TSEN15: variants seen among roughly 807,000 people sequenced by gnomAD.
TSEN15 encodes the protein tRNA-splicing endonuclease subunit Sen15.
TSEN15 carries 10 observed loss-of-function variants against 20.5 expected under a neutral mutation model. That is an observed-to-expected ratio of 0.49 (90% CI 0.30 to 0.83). The LOEUF (loss-of-function observed/expected upper bound fraction) is 0.83, where lower values mean the gene tolerates loss of function less well. Among genes scored for constraint, TSEN15 ranks in the 40% least tolerant of loss-of-function variants. The pLI is 0.06. For synonymous variants in TSEN15, 72 were observed against 80.1 expected (o/e 0.90, Z 0.54); for missense variants, 180 against 218.6 (o/e 0.82, Z 1.11).
At chr1:184,061,717 C>G (rs1483715386) in intron 3 of TSEN15, among the ~76,000 whole-genome samples, 1 of 152,062 alleles carries the variant, frequency 6.6e-6, no homozygotes, top group East Asian at 1.9e-4. Flanking sequence ...AGTAATTGTT[C>G]TAAGGAGTGT....
chr1:184,069,609 A>T (rs1445089577), intron 3 of TSEN15, among the ~76,000 whole-genome samples: 20 of 152,076 alleles, frequency 1.3e-4, no homozygotes, highest in Non-Finnish European at 2.4e-4. Context: ...TTACAATCAT[A>T]TGTGGTTTTT....
chr1:184,052,008 C>T, intron 1 of TSEN15, 118 bp downstream of exon 1: 4 of 1,087,014 alleles, frequency 3.7e-6, no homozygotes, highest in Non-Finnish European at 4.8e-6. Context: ...GCCACCCTCA[C>T]CGAGGGGGAC....
intron 3 of TSEN15, among the ~76,000 whole-genome samples, chr1:184,059,113 G>A (rs1445624700): frequency 2.0e-5 from 3 of 150,980 alleles, no homozygotes; most frequent in Admixed American, 6.6e-5. Flanking sequence ...AATTGAATGT[G>A]TGATTTGGGA....
At chr1:184,085,075 G>T (rs1400348886) in intron 3 of TSEN15, among the ~76,000 whole-genome samples, 1 of 152,086 alleles carries the variant, frequency 6.6e-6, no homozygotes, top group Non-Finnish European at 1.5e-5. Context: ...TATGCAGTGG[G>T]AGACTTATAT....
At chr1:184,091,764 G>A (rs1651361791) in intron 3 of TSEN15, among the ~76,000 whole-genome samples, 1 of 152,034 alleles carries the variant, frequency 6.6e-6, no homozygotes, top group Non-Finnish European at 1.5e-5. Flanking sequence ...TTACTACCTG[G>A]GAGACAGCTA....
At chr1:184,055,093 T>C (rs1650199713) in intron 3 of TSEN15, 3 of 439,770 alleles carry the variant, frequency 6.8e-6, no homozygotes, top group Admixed American at 3.7e-5. Flanking sequence ...GAGGTTTAAG[T>C]GGCTCATAGT....
intron 3 of TSEN15, among the ~76,000 whole-genome samples, chr1:184,057,268 GGA>G (rs1650281931): frequency 6.6e-6 from 1 of 152,084 alleles, no homozygotes; most frequent in African/African-American, 2.4e-5. Flanking sequence ...GGATAGTGGA[GGA>G]GAGTAATATT....
intron 3 of TSEN15, among the ~76,000 whole-genome samples, chr1:184,091,218 G>A (rs1248231010): frequency 6.6e-6 from 1 of 151,974 alleles, no homozygotes; most frequent in Non-Finnish European, 1.5e-5. Flanking sequence ...AAGGAGAAGG[G>A]GCTTAAGTGT....
At chr1:184,054,321 T>A (rs914451526) in intron 1 of TSEN15, 33 bp from the exon 2 acceptor site, 2 of 1,323,308 alleles carry the variant, frequency 1.5e-6, no homozygotes, top group Non-Finnish European at 2.1e-6. Context: ...TAATTTTTTC[T>A]TCTCAATTTG....
intron 3 of TSEN15, among the ~76,000 whole-genome samples, chr1:184,088,472 G>T (rs188504731): frequency 1.3e-5 from 2 of 151,796 alleles, no homozygotes; most frequent in East Asian, 3.9e-4. Context: ...AAGGAAGGAA[G>T]GAAGAGAAAG....
chr1:184,072,770 C>T, intron 4 of TSEN15, 57 bp from the exon 5 acceptor site: 1 of 1,497,026 alleles, frequency 6.7e-7, no homozygotes, highest in Non-Finnish European at 9.2e-7. Context: ...TCTAATTTTG[C>T]TTTTGGATTA....
chr1:184,085,842 G>A (rs1242435989), intron 3 of TSEN15, among the ~76,000 whole-genome samples: 2 of 152,162 alleles, frequency 1.3e-5, no homozygotes, highest in African/African-American at 4.8e-5. Flanking sequence ...TTCAGTACTA[G>A]TCAAGTCAGT....
At chr1:184,090,054 C>T (rs1266528051) in intron 3 of TSEN15, among the ~76,000 whole-genome samples, 1 of 152,126 alleles carries the variant, frequency 6.6e-6, no homozygotes, top group Admixed American at 6.5e-5. Flanking sequence ...TCATAACAGT[C>T]AGACTAGAAA....
chr1:184,064,893 C>A (rs576189032), intron 3 of TSEN15, among the ~76,000 whole-genome samples: 1 of 152,222 alleles, frequency 6.6e-6, no homozygotes, highest in South Asian at 2.1e-4. Context: ...TACTCACTCC[C>A]TAAGCGGCCT....
chr1:184,089,473 A>T lies in TSEN15; in HGVS notation c.354-6217A>T, dbSNP rs1572723072. ...TTTTAGGCACCTAAAACAGCAGACCATATGGAAAATGGCATATTCCCCTGG... is the reference window on the plus strand; with the variant it reads ...TTTTAGGCACCTAAAACAGCAGACCTTATGGAAAATGGCATATTCCCCTGG... On this transcript the variant is annotated intron_variant, in intron 3 of 3. Coordinates refer to the TSEN15 transcript ENST00000643231. Among the ~76,000 whole-genome samples the T allele has an allele frequency of 5.3e-5, 8 of 152,280 alleles. 1 individual carries two copies. The South Asian group carries it at 1.7e-3, about 32-fold the overall frequency.
chr1:184,064,145 A>G (rs1650562730), intron 3 of TSEN15, among the ~76,000 whole-genome samples: 1 of 152,126 alleles, frequency 6.6e-6, no homozygotes, highest in Non-Finnish European at 1.5e-5. Flanking sequence ...AGTGTGATAA[A>G]CGTAATGACA....
chr1:184,058,764 G>GA (rs928873411), intron 3 of TSEN15, among the ~76,000 whole-genome samples: 16 of 152,034 alleles, frequency 1.1e-4, no homozygotes, highest in Admixed American at 5.2e-4. Flanking sequence ...CACCATGAAA[G>GA]AAAAAATACT....
chr1:184,090,569 C>CCTAA (rs1287876565), intron 3 of TSEN15, among the ~76,000 whole-genome samples: 1 of 152,182 alleles, frequency 6.6e-6, no homozygotes, highest in Non-Finnish European at 1.5e-5. Flanking sequence ...AGTCTAAAGA[C>CCTAA]CTAACTCTCT....
At chr1:184,062,481 G>C (rs1650494267) in intron 3 of TSEN15, among the ~76,000 whole-genome samples, 1 of 152,108 alleles carries the variant, frequency 6.6e-6, no homozygotes, top group African/African-American at 2.4e-5. Flanking sequence ...TCAGTGCTAA[G>C]ATTGCAAATG....
Sources: gnomAD v4.1 joint callset for allele counts (sites outside exome capture counted in the v4.1 genomes callset) on GRCh38, gnomAD v4.1.1 for gene constraint, MANE v1.5 for transcripts, NCBI Gene and HGNC (gene_info 2026-07-23, HGNC 2026-07-21) for gene names.